Variants in CARMIL1 observed in about 807,000 individuals in gnomAD.
CARMIL1 encodes the protein capping protein regulator and myosin 1 linker 1.
Under a neutral mutation model 177.1 loss-of-function variants are expected in CARMIL1, and 90 were observed. The observed-to-expected ratio is 0.51, with a 90% confidence interval of 0.43 to 0.61. CARMIL1 has a LOEUF of 0.61. Ranked by LOEUF, CARMIL1 falls within the 20% of genes least tolerant of loss-of-function variation. The pLI is 0.00. For missense variants in CARMIL1, 1,380 were observed against 1,667.0 expected, an observed-to-expected ratio of 0.83 and a Z score of 3.00; for synonymous variants, 577 against 606.2, an observed-to-expected ratio of 0.95 and a Z score of 0.71.
At chr6:25,495,538 C>CGTGTGT (rs144132253) in intron 16 of CARMIL1, among the ~76,000 whole-genome samples, 5,107 of 144,886 alleles carry the variant, frequency 0.035, 163 homozygotes, top group African/African-American at 0.093. Context: ...TTCGTTTGTT[C>CGTGTGT]GTGTGTGTGT....
rs751434520 is a variant in CARMIL1 at position 25,603,111 on chromosome 6, G to A, written c.3553-1701G>A. 3.3e-5 allele frequency among the ~76,000 whole-genome samples: 5 copies of A among 152,318 alleles called. No homozygotes were observed. In the South Asian group the frequency reaches 6.2e-4, roughly 19 times the overall value. On this transcript the variant is annotated intron_variant, in intron 33 of 36. Transcript: ENST00000329474. ...GATTGCTTTAGAGATGCAGGCAAAT[G>A]GGGTGCCCCGGGTACAGAATTTAAG...
chr6:25,535,124 C>A (rs921414001), intron 24 of CARMIL1, among the ~76,000 whole-genome samples: 1 of 152,112 alleles, frequency 6.6e-6, no homozygotes, highest in Non-Finnish European at 1.5e-5. Context: ...ATACTTTCTA[C>A]AGTAAGGAAG....
chr6:25,378,486 T>C, intron 2 of CARMIL1, among the ~76,000 whole-genome samples: 1 of 152,224 alleles, frequency 6.6e-6, no homozygotes, highest in African/African-American at 2.4e-5. Context: ...CTGTGATTGC[T>C]GTCTGAGTTA....
At chr6:25,480,025 G>C (rs145279116) in intron 11 of CARMIL1, among the ~76,000 whole-genome samples, 1 of 152,170 alleles carries the variant, frequency 6.6e-6, no homozygotes, top group Non-Finnish European at 1.5e-5. Flanking sequence ...AATATTCTGT[G>C]TATGAATTCA....
chr6:25,381,814 A>C (rs1374342888), intron 2 of CARMIL1, among the ~76,000 whole-genome samples: 1 of 152,030 alleles, frequency 6.6e-6, no homozygotes, highest in East Asian at 1.9e-4. Flanking sequence ...TGACTACATC[A>C]CTGGTCATTG....
At chr6:25,521,769 CAAAAAAAAAA>C (rs34016230) in intron 23 of CARMIL1, among the ~76,000 whole-genome samples, 1 of 94,042 alleles carries the variant, frequency 1.1e-5, no homozygotes, top group African/African-American at 3.7e-5. Flanking sequence ...GATTCCATCT[CAAAAAAAAAA>C]AAAAAAAAGA....
At chr6:25,363,696 C>T (rs370545571) in intron 2 of CARMIL1, among the ~76,000 whole-genome samples, 82 of 152,218 alleles carry the variant, frequency 5.4e-4, no homozygotes, top group Middle Eastern at 3.4e-3. Context: ...TGCATCATTT[C>T]CAACATGCCA....
intron 26 of CARMIL1, among the ~76,000 whole-genome samples, chr6:25,546,928 G>A (rs1380879854): frequency 1.3e-5 from 2 of 151,714 alleles, no homozygotes; most frequent in African/African-American, 2.4e-5. Context: ...GGTGGCAGGT[G>A]CTTGTAATCC....
chr6:25,367,075 A>G (rs1789902735), intron 2 of CARMIL1, among the ~76,000 whole-genome samples: 1 of 152,220 alleles, frequency 6.6e-6, no homozygotes, highest in Non-Finnish European at 1.5e-5. Context: ...ATTTTGCAAT[A>G]AAAGTATTTT....
rs151328291 is a variant in CARMIL1 at position 25,386,600 on chromosome 6, G to A, written c.139-33514G>A. ...ACTTTGTTAGTATGGTTTAGGAGTA[G>A]GAACTTTAAAATGAAAACGAACACC... On this transcript the variant is annotated intron_variant, in intron 2 of 36. Coordinates refer to ENST00000329474, the MANE Select transcript of CARMIL1 (RefSeq NM_017640.6). 3.5e-3 allele frequency among the ~76,000 whole-genome samples: 534 copies of A among 152,128 alleles called. 4 individuals carry two copies. The highest frequency in any genetic ancestry group is 0.012 in the African/African-American group (516 of 41,486).
intron 5 of CARMIL1, among the ~76,000 whole-genome samples, chr6:25,442,099 T>G (rs1340088183): frequency 6.6e-6 from 1 of 151,998 alleles, no homozygotes; most frequent in Admixed American, 6.6e-5. Context: ...GCATGTGCTA[T>G]TCTGGAGACA....
At chr6:25,569,340 C>T (rs372624382) in intron 29 of CARMIL1, among the ~76,000 whole-genome samples, 2 of 152,050 alleles carry the variant, frequency 1.3e-5, no homozygotes, top group African/African-American at 2.4e-5. Context: ...GGTGATAAGC[C>T]GTCTTTCCCT....
At position 25,509,540 on chromosome 6, in the gene CARMIL1, T is replaced by C. The variant is rs1349006294; in HGVS notation, c.1396-116T>C. 1 of 702,160 alleles carries C rather than the reference T, an allele frequency of 1.4e-6. No homozygotes were observed. Among genetic ancestry groups the C allele is most frequent in the Non-Finnish European group, 2.4e-6 (1 of 409,338 alleles). The allele number at this position is 702,160 out of a possible 1,614,324, so 43.5% of individuals were successfully genotyped here. A position where few individuals can be genotyped will look rare whatever the true frequency, so the allele number is the denominator to read the frequency against. ...TTCTTTGGAGTTGATAAGCTTTTAC[T>C]TTTTCTTTGGTACTAAGTTTATTTT... is the stretch of plus-strand genomic sequence containing the variant. On this transcript the variant is annotated intron_variant, in intron 17 of 36. Transcript: ENST00000329474. The surrounding 1 kb of genome is among the most constrained non-coding windows in gnomAD (Gnocchi z 4.1).
chr6:25,543,944 T>C (rs1345223710), intron 26 of CARMIL1, among the ~76,000 whole-genome samples: 21 of 152,144 alleles, frequency 1.4e-4, no homozygotes, highest in Non-Finnish European at 1.9e-4. Flanking sequence ...TAAGTACCAT[T>C]AGTTATTTTT....
chr6:25,505,241 T>C (rs918904237), intron 17 of CARMIL1, among the ~76,000 whole-genome samples: 1 of 152,210 alleles, frequency 6.6e-6, no homozygotes, highest in Non-Finnish European at 1.5e-5. Flanking sequence ...CCAGATTAGC[T>C]TCAGAATGGC....
At chr6:25,302,245 C>A (rs889133780) in intron 2 of CARMIL1, among the ~76,000 whole-genome samples, 1 of 152,164 alleles carries the variant, frequency 6.6e-6, no homozygotes, top group East Asian at 1.9e-4. Flanking sequence ...CTCCATGCAG[C>A]AAATCCACTG....
rs141613664 is a variant in CARMIL1 at position 25,325,278 on chromosome 6, G to C, written c.138+40369G>C. Reference sequence around the variant, plus strand: ...ACGTGCCATTATGTGAGGCAGAAGTGTATATTCTATGAAAGGGTGTTGACA... The same window carrying C: ...ACGTGCCATTATGTGAGGCAGAAGTCTATATTCTATGAAAGGGTGTTGACA... On this transcript the variant is annotated intron_variant, in intron 2 of 36. Transcript: ENST00000329474. Among the ~76,000 whole-genome samples, 9 of 152,294 alleles carry C rather than the reference G, an allele frequency of 5.9e-5. No homozygotes were observed. The East Asian group carries it at 1.7e-3, about 29-fold the overall frequency.
intron 5 of CARMIL1, among the ~76,000 whole-genome samples, chr6:25,441,445 T>C (rs1445185179): frequency 6.6e-6 from 1 of 151,034 alleles, no homozygotes; most frequent in Non-Finnish European, 1.5e-5. Context: ...ATGAAGGATT[T>C]AAATTAAAAT....
intron 2 of CARMIL1, among the ~76,000 whole-genome samples, chr6:25,288,028 A>C (rs1236211809): frequency 6.6e-6 from 1 of 152,174 alleles, no homozygotes; most frequent in African/African-American, 2.4e-5. Flanking sequence ...GTAGCCAGGC[A>C]GTGGTTTCAG....
Sources: gnomAD v4.1 joint callset for allele counts (sites outside exome capture counted in the v4.1 genomes callset) on GRCh38, gnomAD v4.1.1 for gene constraint, Gnocchi (gnomAD v3.1) non-coding constraint, MANE v1.5 for transcripts, NCBI Gene and HGNC (gene_info 2026-07-23, HGNC 2026-07-21) for gene names.